Variants in MEIKIN observed in about 807,000 individuals in gnomAD.
MEIKIN encodes meiotic kinetochore factor, also known as meiosis-specific kinetochore protein.
At chr5:131,846,083 T>G (rs1561730811) in intron 11 of MEIKIN, among the ~76,000 whole-genome samples, 1 of 152,208 alleles carries the variant, frequency 6.6e-6, no homozygotes, top group Non-Finnish European at 1.5e-5. Context: ...AGATTTCTTG[T>G]CAGAAATGTT....
At chr5:131,886,168 A>G (rs1750790996) in intron 8 of MEIKIN, among the ~76,000 whole-genome samples, 1 of 152,172 alleles carries the variant, frequency 6.6e-6, no homozygotes, top group African/African-American at 2.4e-5. Flanking sequence ...AAGATCTAGA[A>G]AATAGCTTCG....
intron 12 of MEIKIN, among the ~76,000 whole-genome samples, chr5:131,816,237 G>A (rs866671823): frequency 1.1e-4 from 17 of 152,300 alleles, no homozygotes; most frequent in African/African-American, 3.1e-4. Flanking sequence ...TAAGGAATGC[G>A]CTGTGATGGT....
chr5:131,907,583 C>T (rs954283335), intron 8 of MEIKIN, among the ~76,000 whole-genome samples: 4 of 150,250 alleles, frequency 2.7e-5, no homozygotes, highest in African/African-American at 7.4e-5. Flanking sequence ...TGAAGCAACC[C>T]AAAACCTTGA....
At chr5:131,865,212 TG>T (rs1426940576) in intron 9 of MEIKIN, among the ~76,000 whole-genome samples, 1 of 124,052 alleles carries the variant, frequency 8.1e-6, no homozygotes, top group Non-Finnish European at 1.7e-5. Flanking sequence ...TTCTTTTTCC[TG>T]GGATTTTGTG....
chr5:131,928,338 T>G (rs1751625692), intron 5 of MEIKIN, among the ~76,000 whole-genome samples: 1 of 152,186 alleles, frequency 6.6e-6, no homozygotes, highest in Non-Finnish European at 1.5e-5. Flanking sequence ...TTGTCCCTTT[T>G]TCCTTTAGTG....
intron 8 of MEIKIN, among the ~76,000 whole-genome samples, chr5:131,910,206 G>A (rs1751311498): frequency 6.6e-6 from 1 of 151,952 alleles, no homozygotes; most frequent in Non-Finnish European, 1.5e-5. Context: ...AAGAAAATGT[G>A]GTACATAAAC....
At chr5:131,916,106 G>A (rs1391953511) in intron 7 of MEIKIN, among the ~76,000 whole-genome samples, 1 of 152,068 alleles carries the variant, frequency 6.6e-6, no homozygotes, top group Non-Finnish European at 1.5e-5. Context: ...TAGATAATAG[G>A]CACTCAAATC....
chr5:131,944,603 C>T (rs142580702), intron 3 of MEIKIN, 62 bp downstream of exon 3: 40 of 398,868 alleles, frequency 1.0e-4, no homozygotes, highest in African/African-American at 7.6e-4. Flanking sequence ...TCCGGAGGTA[C>T]ATCAGGTACT....
At chr5:131,850,495 G>A (rs550231988) in intron 11 of MEIKIN, among the ~76,000 whole-genome samples, 1 of 152,194 alleles carries the variant, frequency 6.6e-6, no homozygotes, top group East Asian at 1.9e-4. Context: ...ATAGATCAAT[G>A]GAATAGAGAA....
At chr5:131,885,475 T>C (rs531064955) in intron 8 of MEIKIN, among the ~76,000 whole-genome samples, 23 of 150,402 alleles carry the variant, frequency 1.5e-4, no homozygotes, top group African/African-American at 5.6e-4. Flanking sequence ...AGAAAAAGAG[T>C]CTCTGCCTGG....
intron 8 of MEIKIN, among the ~76,000 whole-genome samples, chr5:131,880,736 A>G (rs1046745548): frequency 6.6e-6 from 1 of 152,212 alleles, no homozygotes; most frequent in African/African-American, 2.4e-5. Context: ...TCCTTAATGT[A>G]CCATTACAAA....
At chr5:131,829,237 T>C (rs1749669535) in intron 11 of MEIKIN, among the ~76,000 whole-genome samples, 1 of 152,180 alleles carries the variant, frequency 6.6e-6, no homozygotes, top group Non-Finnish European at 1.5e-5. Flanking sequence ...TCTAGCCAAC[T>C]TAAATAATCA....
chr5:131,842,720 A>T (rs1410712126), intron 11 of MEIKIN, among the ~76,000 whole-genome samples: 1 of 152,158 alleles, frequency 6.6e-6, no homozygotes. Context: ...AGAACATTCT[A>T]TTTTAAGCTG....
chr5:131,830,084 C>A (rs191859637), intron 11 of MEIKIN, among the ~76,000 whole-genome samples: 113 of 152,236 alleles, frequency 7.4e-4, no homozygotes, highest in South Asian at 6.2e-3. Context: ...TGGGTAGAAT[C>A]TCCACTGATT....
rs554823328 is a variant in MEIKIN at position 131,929,797 on chromosome 5, C to T, written c.478+3716G>A. On this transcript the variant is annotated intron_variant, in intron 5 of 12. Transcript: ENST00000442687. ...AACATATGGTATTTGGTTTTCTGTT[C>T]CTGCATTAATTTGCTTAGGATAACG... 2.6e-5 allele frequency among the ~76,000 whole-genome samples: 4 copies of T among 152,294 alleles called. No individual in the cohort carries two copies. In the East Asian group the frequency reaches 7.7e-4, roughly 29 times the overall value.
At chr5:131,886,676 G>T (rs1035761888) in intron 8 of MEIKIN, among the ~76,000 whole-genome samples, 2 of 152,110 alleles carry the variant, frequency 1.3e-5, no homozygotes, top group African/African-American at 4.8e-5. Flanking sequence ...CATTTACAAA[G>T]AAAAGGACAT....
At chr5:131,848,328 G>C (rs1189409291) in intron 11 of MEIKIN, among the ~76,000 whole-genome samples, 1 of 152,094 alleles carries the variant, frequency 6.6e-6, no homozygotes. Context: ...ACTAAAGTCA[G>C]AAATGAAAGT....
intron 8 of MEIKIN, among the ~76,000 whole-genome samples, chr5:131,885,777 G>C (rs1016401514): frequency 6.6e-6 from 1 of 152,130 alleles, no homozygotes; most frequent in Non-Finnish European, 1.5e-5. Context: ...CAGCCACAGA[G>C]GGGTAGAGCA....
intron 12 of MEIKIN, among the ~76,000 whole-genome samples, chr5:131,814,397 C>A (rs151080041): frequency 3.8e-4 from 57 of 151,982 alleles, no homozygotes; most frequent in African/African-American, 1.4e-3. Context: ...CCCACCTCAG[C>A]CTCCCAAGTA....
Sources: allele counts gnomAD v4.1 joint callset (sites outside exome capture counted in the v4.1 genomes callset), GRCh38; gene constraint gnomAD v4.1.1; transcripts MANE v1.5; gene names NCBI Gene and HGNC (gene_info 2026-07-23, HGNC 2026-07-21).